Variants in GPC5 observed in about 807,000 individuals in gnomAD.
GPC5 encodes the protein glypican 5.
A neutral mutation model predicts 53.9 loss-of-function variants in GPC5; 47 were observed. That is an observed-to-expected ratio of 0.87 (90% CI 0.69 to 1.11). The LOEUF is 1.11. Among genes scored for constraint, GPC5 ranks in the 50% most tolerant of loss-of-function variants. The probability of loss-of-function intolerance (pLI) is 0.00; values close to 1 mark genes in which losing one functional copy is unlikely to be tolerated. For missense variants in GPC5, 748 were observed against 713.1 expected, an observed-to-expected ratio of 1.05 and a Z score of -0.56; for synonymous variants, 286 against 263.3, an observed-to-expected ratio of 1.09 and a Z score of -0.84.
chr13:91,431,747 G>A (rs1879469291), intron 1 of GPC5, among the ~76,000 whole-genome samples: 1 of 152,192 alleles, frequency 6.6e-6, no homozygotes, highest in Non-Finnish European at 1.5e-5. Flanking sequence ...GGGATGTTGA[G>A]AGAGCTGTTC....
chr13:92,834,957 A>G (rs1187849744), intron 7 of GPC5, among the ~76,000 whole-genome samples: 1 of 152,118 alleles, frequency 6.6e-6, no homozygotes, highest in Non-Finnish European at 1.5e-5. Flanking sequence ...GTCATGACTA[A>G]AAGATGAGAA....
At chr13:92,166,940 TCTCTCTCTCTCTCTCTCACACACACA>T (rs1322871394) in intron 7 of GPC5, among the ~76,000 whole-genome samples, 71 of 108,668 alleles carry the variant, frequency 6.5e-4, no homozygotes, top group African/African-American at 2.5e-3. Context: ...TCTCTCTCTC[TCTCTCTCTCTCTCTCTCACACACACA>T]CACACACACA....
At chr13:92,342,828 T>G (rs1272418444) in intron 7 of GPC5, among the ~76,000 whole-genome samples, 1 of 152,122 alleles carries the variant, frequency 6.6e-6, no homozygotes, top group Non-Finnish European at 1.5e-5. Context: ...TATAACCACT[T>G]TGTATTACTT....
chr13:91,771,586 A>G (rs1278093427), intron 5 of GPC5, among the ~76,000 whole-genome samples: 1 of 152,188 alleles, frequency 6.6e-6, no homozygotes, highest in East Asian at 1.9e-4. Flanking sequence ...TTTTATAAAG[A>G]AGGAGATAGC....
intron 7 of GPC5, among the ~76,000 whole-genome samples, chr13:92,472,116 C>T (rs1473895388): frequency 6.6e-6 from 1 of 152,076 alleles, no homozygotes; most frequent in Non-Finnish European, 1.5e-5. Context: ...ATTTGGGATT[C>T]TGAATGATCA....
chr13:91,891,233 C>T (rs1318045964), intron 5 of GPC5, among the ~76,000 whole-genome samples: 3 of 152,082 alleles, frequency 2.0e-5, no homozygotes, highest in Admixed American at 6.6e-5. Context: ...TTTCTGTCTA[C>T]ATTGATCACA....
At chr13:92,848,755 G>A (rs1037142389) in intron 7 of GPC5, among the ~76,000 whole-genome samples, 2 of 151,912 alleles carry the variant, frequency 1.3e-5, no homozygotes, top group Non-Finnish European at 2.9e-5. Context: ...ATGAGGACAA[G>A]GACAAAAAGA....
intron 7 of GPC5, among the ~76,000 whole-genome samples, chr13:92,293,534 G>C (rs1035710926): frequency 6.8e-6 from 1 of 147,250 alleles, no homozygotes; most frequent in Non-Finnish European, 1.5e-5. Flanking sequence ...TTGTTTGTGT[G>C]CATTAATTTT....
intron 7 of GPC5, among the ~76,000 whole-genome samples, chr13:92,356,906 G>C (rs1200309942): frequency 6.6e-6 from 1 of 152,074 alleles, no homozygotes; most frequent in Non-Finnish European, 1.5e-5. Flanking sequence ...TGTTCCCCAT[G>C]GTCTGTTATG....
rs192329827 is a variant in GPC5 at position 91,411,069 on chromosome 13, A to G, written c.163+11860A>G. On this transcript the variant is annotated intron_variant, in intron 1 of 7. Coordinates refer to ENST00000377067, the MANE Select transcript of GPC5 (RefSeq NM_004466.6). ...GGTTGCAGTGACCCAAGATTGTGCC[A>G]CTGCACTCCAGCCTGGCGTCAGAGC... Among the ~76,000 whole-genome samples, 86 of 152,354 alleles carry G rather than the reference A, an allele frequency of 5.6e-4. No individual in the cohort carries two copies. The East Asian group carries it at 0.011, about 20-fold the overall frequency.
At chr13:92,261,003 C>T (rs1454402473) in intron 7 of GPC5, among the ~76,000 whole-genome samples, 1 of 152,066 alleles carries the variant, frequency 6.6e-6, no homozygotes, top group Non-Finnish European at 1.5e-5. Flanking sequence ...AATTATACAT[C>T]ATAAAAATTT....
At chr13:92,225,621 G>T (rs1020043594) in intron 7 of GPC5, among the ~76,000 whole-genome samples, 7 of 151,960 alleles carry the variant, frequency 4.6e-5, no homozygotes, top group Non-Finnish European at 1.0e-4. Context: ...CAGCTTTCTG[G>T]ATACATATAA....
intron 7 of GPC5, among the ~76,000 whole-genome samples, chr13:92,550,288 C>A (rs1294208770): frequency 2.0e-5 from 3 of 151,792 alleles, no homozygotes; most frequent in Admixed American, 6.6e-5. Flanking sequence ...AGGTCAACAA[C>A]CTACATTATT....
intron 7 of GPC5, among the ~76,000 whole-genome samples, chr13:92,841,408 T>C (rs1160968348): frequency 1.3e-5 from 2 of 152,154 alleles, no homozygotes; most frequent in African/African-American, 2.4e-5. Flanking sequence ...AAATGTATAG[T>C]ATAGTGAATA....
chr13:91,963,704 G>C (rs1181072619), intron 6 of GPC5, among the ~76,000 whole-genome samples: 7 of 152,032 alleles, frequency 4.6e-5, no homozygotes, highest in African/African-American at 1.4e-4. Flanking sequence ...TGGGAGAGGT[G>C]GGAAGTAATG....
chr13:91,624,050 AAG>A (rs1257765615), intron 2 of GPC5, among the ~76,000 whole-genome samples: 4 of 152,290 alleles, frequency 2.6e-5, no homozygotes, highest in African/African-American at 7.2e-5. Flanking sequence ...ATGAGCAAGA[AAG>A]AGTGAACGAT....
At chr13:91,709,692 T>C (rs1485258353) in intron 3 of GPC5, among the ~76,000 whole-genome samples, 2 of 152,262 alleles carry the variant, frequency 1.3e-5, no homozygotes, top group Non-Finnish European at 2.9e-5. Flanking sequence ...TTATTTTCTA[T>C]ATTTTATATT....
chr13:91,809,377 T>C (rs1228711995), intron 5 of GPC5, among the ~76,000 whole-genome samples: 1 of 152,166 alleles, frequency 6.6e-6, no homozygotes, highest in African/African-American at 2.4e-5. Flanking sequence ...CAATGATGAA[T>C]AGTTTTTTCT....
rs183880182 is a variant in GPC5, at chr13:91,946,841, G to T, written c.1401+38784G>T. On this transcript the variant is annotated intron_variant, in intron 6 of 7. Coordinates refer to ENST00000377067, the MANE Select transcript of GPC5 (RefSeq NM_004466.6). ...CTTGGCCTGGTACCTTAGGCCATAGGATATAAGCCAGCTTTGCAATTAACT... is the reference window on the plus strand; with the variant it reads ...CTTGGCCTGGTACCTTAGGCCATAGTATATAAGCCAGCTTTGCAATTAACT... 4.6e-5 allele frequency among the ~76,000 whole-genome samples: 7 copies of T among 152,206 alleles called. No homozygotes were observed. In the East Asian group the frequency reaches 1.3e-3, roughly 29 times the overall value.
Sources: gnomAD v4.1 joint callset for allele counts (sites outside exome capture counted in the v4.1 genomes callset) on GRCh38, gnomAD v4.1.1 for gene constraint, MANE v1.5 for transcripts, NCBI Gene and HGNC (gene_info 2026-07-23, HGNC 2026-07-21) for gene names.